PIEZO1: variants seen among roughly 807,000 people sequenced by gnomAD.
The protein encoded by PIEZO1 is piezo type mechanosensitive ion channel component 1 (Er blood group).
In PIEZO1, 296 loss-of-function variants were observed where a neutral mutation model predicts 297.2. That is an observed-to-expected ratio of 1.00 (90% CI 0.91 to 1.10). The LOEUF is 1.10. Among genes scored for constraint, PIEZO1 ranks in the 50% least tolerant of loss-of-function variants. The pLI is 0.00. For missense variants in PIEZO1, 5,018 were observed against 3,455.5 expected (o/e 1.45, Z -11.34); for synonymous variants, 2,427 against 1,507.5 (o/e 1.61, Z -14.13).
intron 1 of PIEZO1, among the ~76,000 whole-genome samples, chr16:88,762,295 G>A (rs576609783): frequency 2.8e-4 from 43 of 152,196 alleles, no homozygotes; most frequent in Non-Finnish European, 4.7e-4. Context: ...TCAGAGGGGC[G>A]GTGACAAAGT....
Position 88,733,293 on chromosome 16 carries a change from G to A in PIEZO1, c.2649C>T (p.Ser883=), listed in dbSNP as rs1255902644. The A allele has an allele frequency of 1.9e-6, 3 of 1,542,632 alleles. No individual in the cohort carries two copies. The highest frequency in any genetic ancestry group is 2.5e-5 in the East Asian group (1 of 40,662). Residue 883 remains serine (S), a synonymous_variant, in exon 19 of 51, where the codon TCC becomes TCT. Transcript: ENST00000301015. ...QLKVVNPQEY[S]SNCTEPFPNS... is the part of the protein sequence containing the mutation. Reference sequence around the variant, plus strand: ...GGGCCGGTACCTCGGTGCAGTTGCTGGAATACTCCTGGGGGTTGACAACCT... The same window carrying A: ...GGGCCGGTACCTCGGTGCAGTTGCTAGAATACTCCTGGGGGTTGACAACCT...
intron 1 of PIEZO1, among the ~76,000 whole-genome samples, chr16:88,760,774 G>A (rs1209593361): frequency 8.5e-5 from 13 of 152,242 alleles, no homozygotes; most frequent in South Asian, 8.3e-4. Context: ...CGCCTTCGAC[G>A]CAGCAGGAGG....
intron 44 of PIEZO1, chr16:88,718,023 C>CAGTG: frequency 6.1e-6 from 2 of 326,450 alleles, no homozygotes; most frequent in Non-Finnish European, 1.2e-5. Context: ...GCAGAGGCTA[C>CAGTG]AGTGAGTGAA....
At chr16:88,725,209 G>T (rs1168986661) in intron 29 of PIEZO1, 129 bp from the exon 30 acceptor site, 3 of 738,780 alleles carry the variant, frequency 4.1e-6, no homozygotes, top group African/African-American at 3.6e-5. Context: ...CGGGGGCCGT[G>T]TGGGGCCATG....
In PIEZO1 at chr16:88,737,476, G is replaced by A; in HGVS notation, c.1195+83C>T. On this transcript the variant is annotated intron_variant, in intron 10 of 50. Coordinates refer to ENST00000301015, the MANE Select transcript of PIEZO1 (RefSeq NM_001142864.4). ...AGAGGTGCGGCGCGAGCATGCGAGA[G>A]CGCCAGGCGGCCACCAGGGGGCAGC... is the stretch of plus-strand genomic sequence containing the variant. 6.4e-6 allele frequency: 6 copies of A among 933,032 alleles called. No homozygotes were observed. The Admixed American group carries it at 7.6e-5, about 12-fold the overall frequency. 57.8% of individuals were successfully genotyped at this position (933,032 alleles called of 1,614,324 possible).
chr16:88,726,693 TGC>T lies in PIEZO1; in HGVS notation c.3699+20_3699+21del. The T allele has an allele frequency of 3.0e-6, 4 of 1,335,276 alleles. No homozygotes were observed. Among genetic ancestry groups the T allele is most frequent in the Non-Finnish European group, 3.0e-6 (3 of 988,052 alleles). The allele number at this position is 1,335,276 out of a possible 1,614,324, so 82.7% of individuals were successfully genotyped here. On this transcript the variant is annotated intron_variant, in intron 25 of 50. Transcript: ENST00000301015. ...GCCAGCGGGGCCCCAGGGCGGTGGG[TGC>T]GGGGGGGCCGGAGGCTCACCGACAG... is the stretch of plus-strand genomic sequence containing the variant.
In PIEZO1 at chr16:88,719,938, C is replaced by T. The variant is rs1170875797; in HGVS notation, c.6187G>A (p.Ala2063Thr). The change falls in exon 43 of 51, where the codon GCC becomes ACC. Residue 2063 changes from alanine to threonine, a missense_variant. Physicochemically the swap from Ala to Thr is moderately conservative, Grantham distance 58. Coordinates refer to ENST00000301015, the MANE Select transcript of PIEZO1 (RefSeq NM_001142864.4). Reference sequence around the variant, plus strand: ...CACTTCACGAAGTACCAGAGCTGGGCCACCACATTCTGGTTGAACATCCTG... The same window carrying T: ...CACTTCACGAAGTACCAGAGCTGGGTCACCACATTCTGGTTGAACATCCTG... ...TERMFNQNVV[A>T]QLWYFVKCIY... is the part of the protein sequence containing the mutation. 6.5e-7 allele frequency: 1 copy of T among 1,550,358 alleles called. No homozygotes were observed. The highest frequency in any genetic ancestry group is 8.7e-7 in the Non-Finnish European group (1 of 1,146,936).
chr16:88,736,241 C>A lies in PIEZO1; in HGVS notation c.1464G>T (p.Leu488=), dbSNP rs770598204. The stretch of plus-strand genomic sequence containing the variant: ...CCAGGGTGGTGGGCAGCTCAGGGCG[C>A]AGGTCCATGGCCCACACGTAGCGTA... The part of the protein sequence containing the change: ...CCLRYVWAMD[L]RPELPTTLGP... Residue 488 remains leucine, a synonymous_variant, in exon 12 of 51, where the codon CTG becomes CTT. Coordinates refer to ENST00000301015, the MANE Select transcript of PIEZO1 (RefSeq NM_001142864.4). 5 of 1,550,094 alleles carry A rather than the reference C, an allele frequency of 3.2e-6. No individual in the cohort carries two copies. In the South Asian group the frequency reaches 5.9e-5, roughly 18 times the overall value.
intron 1 of PIEZO1, among the ~76,000 whole-genome samples, chr16:88,760,131 G>A (rs944198261): frequency 1.6e-4 from 25 of 151,668 alleles, no homozygotes; most frequent in African/African-American, 5.3e-4. Context: ...CACCCCACAC[G>A]CCCACCTCGG....
intron 5 of PIEZO1, 60 bp downstream of exon 5, chr16:88,741,418 G>A: frequency 7.2e-7 from 1 of 1,388,488 alleles, no homozygotes; most frequent in Non-Finnish European, 9.6e-7. Flanking sequence ...CCCTCAAAAT[G>A]GCTGAGACCA....
chr16:88,784,846 G>A, intron 1 of PIEZO1, 55 bp downstream of exon 1: 1 of 1,273,132 alleles, frequency 7.9e-7, no homozygotes, highest in South Asian at 1.4e-5. Flanking sequence ...CCAGGCCGTG[G>A]GGAGCCGAGA....
At position 88,723,112 on chromosome 16, in the gene PIEZO1, G is replaced by A. The variant is rs79328066; in HGVS notation, c.4478C>T (p.Pro1493Leu). The A allele has an allele frequency of 5.2e-5, 80 of 1,548,536 alleles. No homozygotes were observed. The East Asian group carries it at 1.9e-3, about 37-fold the overall frequency. Residue 1493 changes from proline (P) to leucine (L), a missense_variant, in exon 33 of 51, where the codon CCC becomes CTC. Coordinates refer to ENST00000301015, the MANE Select transcript of PIEZO1 (RefSeq NM_001142864.4). ...PSQEVEPAEG[P>L]EEAAAGRSHV... ...CCACGTACCTGCCGCTGCCTCCTCG[G>A]GGCCCTCTGCTGGCTCCACCTCCTG...
Position 88,726,847 on chromosome 16 carries a change from G to A in PIEZO1, c.3567C>T (p.Tyr1189=), listed in dbSNP as rs35545675. ...ATRISIFGLG[Y]LLACFYLLLF... is the part of the protein sequence containing the mutation. ...GCAGCAGGTAGAAGCAGGCCAGCAG[G>A]TAGCCCAGCCCGAAGATGCTGATGC... Residue 1189 remains tyrosine, a synonymous_variant, in exon 25 of 51, where the codon TAC becomes TAT. Coordinates refer to ENST00000301015, the MANE Select transcript of PIEZO1 (RefSeq NM_001142864.4). 7 of 1,550,282 alleles carry A rather than the reference G, an allele frequency of 4.5e-6. No homozygotes were observed. Among genetic ancestry groups the A allele is most frequent in the African/African-American group, 4.1e-5 (3 of 73,038 alleles).
At chr16:88,778,117 C>G (rs1194516822) in intron 1 of PIEZO1, among the ~76,000 whole-genome samples, 1 of 152,166 alleles carries the variant, frequency 6.6e-6, no homozygotes, top group Admixed American at 6.5e-5. Flanking sequence ...CAAACACACC[C>G]CAGCACTGCG....
chr16:88,748,877 G>A (rs1262803141), intron 2 of PIEZO1, among the ~76,000 whole-genome samples: 1 of 145,892 alleles, frequency 6.9e-6, no homozygotes, highest in Non-Finnish European at 1.5e-5. Flanking sequence ...AGGTTGCAGT[G>A]AGCCAAGATT....
At position 88,731,802 on chromosome 16, in the gene PIEZO1, T is replaced by C. The variant is rs1904831044; in HGVS notation, c.3100A>G (p.Ile1034Val). 1.9e-6 allele frequency: 3 copies of C among 1,542,926 alleles called. No individual in the cohort carries two copies. Among genetic ancestry groups the C allele is most frequent in the Non-Finnish European group, 1.7e-6 (2 of 1,143,274 alleles). Residue 1034 changes from isoleucine to valine, a missense_variant, in exon 22 of 51, where the codon ATT becomes GTT. Coordinates refer to ENST00000301015, the MANE Select transcript of PIEZO1 (RefSeq NM_001142864.4). ...AILTRRHRQA[I>V]ARLWPNYCLF... ...CAGTAGTTGGGCCAGAGGCGGGCAA[T>C]GGCCTGGCGGTGCCTGCGGGTGAGG...
At chr16:88,755,143 C>T (rs76639869) in intron 1 of PIEZO1, among the ~76,000 whole-genome samples, 20,454 of 152,258 alleles carry the variant, frequency 0.13, 1,692 homozygotes, top group Middle Eastern at 0.2. Context: ...CCGAGGACCA[C>T]GACTGTCACC....
chr16:88,723,687 C>T (rs1196320959), intron 31 of PIEZO1, among the ~76,000 whole-genome samples, 184 bp downstream of exon 31: 1 of 152,258 alleles, frequency 6.6e-6, no homozygotes, highest in African/African-American at 2.4e-5. Context: ...TACACATGAC[C>T]CATGTCCCTG....
chr16:88,780,356 G>A (rs555267484), intron 1 of PIEZO1, among the ~76,000 whole-genome samples: 49 of 152,210 alleles, frequency 3.2e-4, no homozygotes, highest in Non-Finnish European at 6.8e-4. Flanking sequence ...GTCAAGAGCA[G>A]GACAGAAGGC....
Sources: gnomAD v4.1 joint callset for allele counts (sites outside exome capture counted in the v4.1 genomes callset) on GRCh38, gnomAD v4.1.1 for gene constraint, MANE v1.5 for transcripts, NCBI Gene and HGNC (gene_info 2026-07-23, HGNC 2026-07-21) for gene names.